POMT2: variants seen among roughly 807,000 people sequenced by gnomAD.
The protein encoded by POMT2 is protein O-mannosyltransferase 2.
POMT2 carries 75 observed loss-of-function variants against 100.0 expected under a neutral mutation model. The ratio of observed to expected loss-of-function variants is 0.75; its 90% confidence interval spans 0.62 to 0.91. The LOEUF (loss-of-function observed/expected upper bound fraction) is 0.91, where lower values mean the gene tolerates loss of function less well. Ranked by LOEUF, POMT2 falls within the 40% of genes least tolerant of loss-of-function variation. The pLI is 0.00. For synonymous variants in POMT2, 378 were observed against 374.1 expected, an observed-to-expected ratio of 1.01 and a Z score of -0.12; for missense variants, 940 against 955.1, an observed-to-expected ratio of 0.98 and a Z score of 0.21.
rs1278312151 is a variant in POMT2, at chr14:77,294,324, T to C, written c.1116+1840A>G. 3.3e-5 allele frequency among the ~76,000 whole-genome samples: 5 copies of C among 152,304 alleles called. No individual in the cohort carries two copies. The South Asian group carries it at 8.3e-4, about 25-fold the overall frequency. ...TGGGTCTCACAAGATCTGATGGTTT[T>C]ATTTTTTTATTTTTTGAGATGGAGT... On this transcript the variant is annotated intron_variant, in intron 9 of 20. Transcript: ENST00000261534.
At chr14:77,296,407 G>A (rs1890833446) in intron 8 of POMT2, 134 bp from the exon 9 acceptor site, 2 of 672,634 alleles carry the variant, frequency 3.0e-6, no homozygotes, top group East Asian at 2.7e-5. Context: ...CTGAAGCCCA[G>A]CTACCTTCTC....
At position 77,301,879 on chromosome 14, in the gene POMT2, C is replaced by A. The variant is rs530373472; in HGVS notation, c.657-630G>T. Among the ~76,000 whole-genome samples, 7 of 151,242 alleles carry A rather than the reference C, an allele frequency of 4.6e-5. No individual in the cohort carries two copies. In the South Asian group the frequency reaches 1.5e-3, roughly 32 times the overall value. On this transcript the variant is annotated intron_variant, in intron 5 of 20. Coordinates refer to ENST00000261534, the MANE Select transcript of POMT2 (RefSeq NM_013382.7). ...TAACCATTTTGCTATTCGTATAGCA[C>A]CTAGTACTCTACACTATGATTCTCT...
At chr14:77,284,738 C>G (rs1890357264) in intron 14 of POMT2, among the ~76,000 whole-genome samples, 1 of 152,068 alleles carries the variant, frequency 6.6e-6, no homozygotes, top group Non-Finnish European at 1.5e-5. Flanking sequence ...CCACTGGCCA[C>G]TTTAGGGAGA....
At chr14:77,303,024 C>T (rs1891104380) in intron 4 of POMT2, 81 bp from the exon 5 acceptor site, 1 of 1,032,404 alleles carries the variant, frequency 9.7e-7, no homozygotes, top group Admixed American at 2.0e-5. Context: ...TAGTAGGAAA[C>T]AGTCCCTCTT....
At chr14:77,300,831 AAAGAC>A in intron 6 of POMT2, 4 of 478,888 alleles carry the variant, frequency 8.4e-6, no homozygotes, top group Non-Finnish European at 1.5e-5. Flanking sequence ...AAAAAAAAAA[AAAGAC>A]AGACATTATA....
chr14:77,300,908 A>G, intron 6 of POMT2, 182 bp downstream of exon 6: 1 of 970,888 alleles, frequency 1.0e-6, no homozygotes, highest in Non-Finnish European at 1.6e-6. Flanking sequence ...AACCCTATCC[A>G]GTCCTCAGCC....
intron 15 of POMT2, among the ~76,000 whole-genome samples, chr14:77,281,466 C>G (rs939017517): frequency 6.6e-6 from 1 of 152,102 alleles, no homozygotes; most frequent in Non-Finnish European, 1.5e-5. Context: ...GACTCAGCCT[C>G]CCTAATCCAG....
Position 77,301,098 on chromosome 14 carries a change from G to GA in POMT2, c.807dup (p.Leu270SerfsTer38), listed in dbSNP as rs1891019600. On this transcript the variant is annotated frameshift_variant, in exon 6 of 21. Transcript: ENST00000261534. LOFTEE classifies it high-confidence loss of function. ...AACCCTTGGGTGCTCACCAATGAAAGACTGAGGTCTCCGAACAGGTACCAA... is the reference window on the plus strand; with the variant it reads ...AACCCTTGGGTGCTCACCAATGAAAGAACTGAGGTCTCCGAACAGGTACCAA... The GA allele has an allele frequency of 6.2e-7, 1 of 1,614,012 alleles. No individual in the cohort carries two copies.
At chr14:77,305,349 GTT>G (rs950236571) in intron 3 of POMT2, among the ~76,000 whole-genome samples, 46 of 152,170 alleles carry the variant, frequency 3.0e-4, no homozygotes, top group African/African-American at 9.9e-4. Flanking sequence ...TACCTGTTTG[GTT>G]TTTTGTTTTT....
chr14:77,316,672 T>C (rs894991615), intron 1 of POMT2, among the ~76,000 whole-genome samples: 33 of 151,362 alleles, frequency 2.2e-4, no homozygotes, highest in African/African-American at 8.0e-4. Flanking sequence ...AACAACCTTC[T>C]CTGCTACCTG....
intron 10 of POMT2, among the ~76,000 whole-genome samples, chr14:77,289,858 T>A (rs1172859932): frequency 6.6e-6 from 1 of 152,186 alleles, no homozygotes; most frequent in African/African-American, 2.4e-5. Flanking sequence ...ACAGAATGGA[T>A]CCTTGCAAAT....
chr14:77,283,765 G>A (rs774432578), intron 15 of POMT2, 32 bp downstream of exon 15: 2 of 1,550,644 alleles, frequency 1.3e-6, no homozygotes, highest in East Asian at 2.2e-5. Flanking sequence ...AAAGCTCTTA[G>A]AGACGCCATG....
At chr14:77,298,883 TC>T in intron 7 of POMT2, 112 bp from the exon 8 acceptor site, 1 of 1,045,464 alleles carries the variant, frequency 9.6e-7, no homozygotes, top group South Asian at 1.4e-5. Flanking sequence ...TAGAATCAGA[TC>T]ATGGGACAGA....
chr14:77,302,779 A>C, intron 5 of POMT2, 56 bp downstream of exon 5: 1 of 1,471,894 alleles, frequency 6.8e-7, no homozygotes, highest in Non-Finnish European at 9.4e-7. Context: ...CCATTACAGA[A>C]ATTTTGGAGT....
At chr14:77,284,701 A>C (rs1367154162) in intron 14 of POMT2, among the ~76,000 whole-genome samples, 1 of 152,156 alleles carries the variant, frequency 6.6e-6, no homozygotes, top group Non-Finnish European at 1.5e-5. Context: ...GCCCAGAGGA[A>C]GACGAGACAG....
At chr14:77,299,202 G>A (rs528414210) in intron 7 of POMT2, among the ~76,000 whole-genome samples, 48 of 152,278 alleles carry the variant, frequency 3.2e-4, no homozygotes, top group African/African-American at 4.6e-4. Context: ...AAGTACAGGG[G>A]ACTCTGTTTA....
At chr14:77,282,759 A>G (rs1890278586) in intron 15 of POMT2, among the ~76,000 whole-genome samples, 1 of 152,234 alleles carries the variant, frequency 6.6e-6, no homozygotes, top group Admixed American at 6.5e-5. Flanking sequence ...ATCTGGTGAA[A>G]TAAGTCAACT....
intron 16 of POMT2, 103 bp from the exon 17 acceptor site, chr14:77,280,183 C>T: frequency 6.3e-7 from 1 of 1,596,168 alleles, no homozygotes; most frequent in Non-Finnish European, 8.5e-7. Context: ...GGAGCCTGGA[C>T]ACGAACCTCA....
chr14:77,307,920 T>C (rs921482702), intron 2 of POMT2, among the ~76,000 whole-genome samples: 1 of 138,356 alleles, frequency 7.2e-6, no homozygotes, highest in Non-Finnish European at 1.5e-5. Context: ...TGGAGTGCGG[T>C]GGCACAATCT....
Sources: allele counts gnomAD v4.1 joint callset (sites outside exome capture counted in the v4.1 genomes callset), GRCh38; gene constraint gnomAD v4.1.1; transcripts MANE v1.5; gene names NCBI Gene and HGNC (gene_info 2026-07-23, HGNC 2026-07-21).